PLCE1: variants seen among roughly 807,000 people sequenced by gnomAD.
PLCE1 encodes the protein phospholipase C epsilon 1, also known as 1-phosphatidylinositol 4,5-bisphosphate phosphodiesterase epsilon-1.
A neutral mutation model predicts 242.8 loss-of-function variants in PLCE1; 119 were observed. The observed-to-expected ratio is 0.49, with a 90% CI of 0.42 to 0.57. PLCE1 has a LOEUF of 0.57. Among genes scored for constraint, PLCE1 ranks in the 20% least tolerant of loss-of-function variants. PLCE1 has a pLI of 0.00. For synonymous variants in PLCE1, 945 were observed against 1,017.4 expected (o/e 0.93, Z 1.35); for missense variants, 2,441 against 2,788.8 (o/e 0.88, Z 2.81).
intron 3 of PLCE1, among the ~76,000 whole-genome samples, chr10:94,166,529 G>T (rs2047807897): frequency 6.6e-6 from 1 of 151,574 alleles, no homozygotes; most frequent in Admixed American, 6.6e-5. Flanking sequence ...ATCCTGTAAG[G>T]TATTCCTGCC....
chr10:94,238,364 C>T (rs566635255), intron 7 of PLCE1, among the ~76,000 whole-genome samples: 3 of 152,328 alleles, frequency 2.0e-5, no homozygotes, highest in South Asian at 2.1e-4. Context: ...AACTTCTGTA[C>T]AGATGAAGTT....
At chr10:94,238,309 G>GA (rs759211999) in intron 7 of PLCE1, among the ~76,000 whole-genome samples, 23 of 152,170 alleles carry the variant, frequency 1.5e-4, no homozygotes, top group Non-Finnish European at 3.1e-4. Context: ...GAATTGGGTT[G>GA]AAAAAATCTT....
rs1220064622 is a variant in PLCE1, at chr10:94,102,809, CAG to C, written c.1207-29363_1207-29362del. On this transcript the variant is annotated intron_variant, in intron 2 of 32. Transcript: ENST00000371380. ...TCCCAGGGGCTATCCAGCAGGAAGACAGAATGGGACAGGCGGCTCTTTGACCA... is the reference window on the plus strand; with the variant it reads ...TCCCAGGGGCTATCCAGCAGGAAGACAATGGGACAGGCGGCTCTTTGACCA... 2.6e-5 allele frequency among the ~76,000 whole-genome samples: 4 copies of C among 152,204 alleles called. No homozygotes were observed. The East Asian group carries it at 7.7e-4, about 29-fold the overall frequency.
At chr10:94,039,549 C>A (rs2061728114) in intron 2 of PLCE1, among the ~76,000 whole-genome samples, 1 of 152,032 alleles carries the variant, frequency 6.6e-6, no homozygotes, top group African/African-American at 2.4e-5. Context: ...CTATGCCCAG[C>A]TAATTTTTAT....
rs1224912010 is a variant in PLCE1, at chr10:94,214,025, T to C, written c.1810-13281T>C. Reference sequence around the variant, plus strand: ...AGAGTCTCAGGGTAGGTAGGAAACTTGCTCAAGGTCACAGAAATAGTGAAA... The same window carrying C: ...AGAGTCTCAGGGTAGGTAGGAAACTCGCTCAAGGTCACAGAAATAGTGAAA... On this transcript the variant is annotated intron_variant, in intron 4 of 32. Coordinates refer to ENST00000371380, the MANE Select transcript of PLCE1 (RefSeq NM_016341.4). Among the ~76,000 whole-genome samples, 4 of 152,314 alleles carry C rather than the reference T, an allele frequency of 2.6e-5. No homozygotes were observed. In the East Asian group the frequency reaches 7.7e-4, roughly 29 times the overall value.
chr10:94,083,037 C>A (rs1265183139), intron 2 of PLCE1, among the ~76,000 whole-genome samples: 1 of 152,142 alleles, frequency 6.6e-6, no homozygotes. Context: ...ATAGTTTTGG[C>A]AATTCTCTAT....
chr10:94,130,858 A>T (rs908254293), intron 2 of PLCE1, among the ~76,000 whole-genome samples: 1 of 152,126 alleles, frequency 6.6e-6, no homozygotes, highest in African/African-American at 2.4e-5. Flanking sequence ...GATTTGGAGG[A>T]TGCAACATCA....
chr10:94,022,758 A>T (rs1336326924), intron 1 of PLCE1, among the ~76,000 whole-genome samples: 1 of 152,054 alleles, frequency 6.6e-6, no homozygotes, highest in Non-Finnish European at 1.5e-5. Context: ...GTGTTTGGAG[A>T]AGATTTTTCT....
chr10:94,224,436 G>T (rs918956746), intron 4 of PLCE1, among the ~76,000 whole-genome samples: 1 of 152,152 alleles, frequency 6.6e-6, no homozygotes, highest in East Asian at 1.9e-4. Context: ...TCAATGCATG[G>T]TATCAGAACA....
intron 2 of PLCE1, among the ~76,000 whole-genome samples, chr10:94,070,483 G>C (rs527426370): frequency 4.7e-4 from 72 of 152,258 alleles, no homozygotes; most frequent in African/African-American, 1.7e-3. Flanking sequence ...TCTTTCCCAG[G>C]AATGCTGATC....
intron 18 of PLCE1, among the ~76,000 whole-genome samples, 193 bp downstream of exon 18, chr10:94,270,795 G>A (rs866950267): frequency 5.3e-5 from 8 of 152,022 alleles, no homozygotes; most frequent in Non-Finnish European, 1.0e-4. Context: ...TCAGCCTCCC[G>A]AGTAGCTGGG....
chr10:94,063,094 C>A (rs2044104667), intron 2 of PLCE1, among the ~76,000 whole-genome samples: 1 of 152,192 alleles, frequency 6.6e-6, no homozygotes, highest in South Asian at 2.1e-4. Context: ...CACATGCTCC[C>A]TTCCTAATGC....
At chr10:93,996,384 G>A (rs1472397644) in intron 1 of PLCE1, among the ~76,000 whole-genome samples, 1 of 152,204 alleles carries the variant, frequency 6.6e-6, no homozygotes, top group Non-Finnish European at 1.5e-5. Context: ...AGCAAGTAGG[G>A]GTTTGGTTGA....
chr10:94,033,557 A>G (rs1190073439), intron 2 of PLCE1, among the ~76,000 whole-genome samples: 2 of 152,104 alleles, frequency 1.3e-5, no homozygotes, highest in Non-Finnish European at 2.9e-5. Flanking sequence ...TTCCTTTTTG[A>G]GATTAATGAA....
chr10:94,294,687 C>A (rs1589493281), intron 23 of PLCE1, among the ~76,000 whole-genome samples: 1 of 152,138 alleles, frequency 6.6e-6, no homozygotes, highest in South Asian at 2.1e-4. Flanking sequence ...TAACAATCAT[C>A]TGAGCCTGTA....
At chr10:94,222,364 T>C (rs2049782800) in intron 4 of PLCE1, among the ~76,000 whole-genome samples, 1 of 152,196 alleles carries the variant, frequency 6.6e-6, no homozygotes, top group African/African-American at 2.4e-5. Context: ...CATTCATTCA[T>C]ATGTTCACTC....
chr10:94,130,577 G>A (rs1161584108), intron 2 of PLCE1, among the ~76,000 whole-genome samples: 2 of 152,148 alleles, frequency 1.3e-5, no homozygotes, highest in Non-Finnish European at 2.9e-5. Context: ...GTCGAGTCAG[G>A]TGTACCTGAC....
intron 27 of PLCE1, among the ~76,000 whole-genome samples, chr10:94,311,055 G>A (rs2053371834): frequency 6.6e-6 from 1 of 152,156 alleles, no homozygotes; most frequent in Non-Finnish European, 1.5e-5. Context: ...ATGTACTTCA[G>A]GAGCAGCCTC....
intron 2 of PLCE1, among the ~76,000 whole-genome samples, chr10:94,112,704 C>T (rs1325175062): frequency 6.6e-6 from 1 of 151,974 alleles, no homozygotes; most frequent in Non-Finnish European, 1.5e-5. Flanking sequence ...TTTTTTTGTT[C>T]CCCACGTGAC....
Sources: gnomAD v4.1 joint callset for allele counts (sites outside exome capture counted in the v4.1 genomes callset) on GRCh38, gnomAD v4.1.1 for gene constraint, MANE v1.5 for transcripts, NCBI Gene and HGNC (gene_info 2026-07-23, HGNC 2026-07-21) for gene names.